DPYD: variants seen among roughly 807,000 people sequenced by gnomAD.
DPYD encodes dihydropyrimidine dehydrogenase [NADP(+)].
A neutral mutation model predicts 116.2 loss-of-function variants in DPYD; 109 were observed. That is an observed-to-expected ratio of 0.94 (90% CI 0.80 to 1.10). The LOEUF (loss-of-function observed/expected upper bound fraction) is 1.10, where lower values mean the gene tolerates loss of function less well. Ranked by LOEUF, DPYD falls within the 50% of genes least tolerant of loss-of-function variation. The pLI, the probability that DPYD is intolerant of heterozygous loss-of-function variation, is 0.00. For synonymous variants in DPYD, 440 were observed against 432.0 expected (o/e 1.02, Z -0.23); for missense variants, 1,302 against 1,254.5 (o/e 1.04, Z -0.57).
chr1:97,726,497 G>C (rs1663269930), intron 4 of DPYD, among the ~76,000 whole-genome samples: 1 of 151,544 alleles, frequency 6.6e-6, no homozygotes, highest in Admixed American at 6.6e-5. Flanking sequence ...GGTCATCATT[G>C]TTAGAAATAA....
chr1:97,188,039 G>A (rs1286574385), intron 20 of DPYD, among the ~76,000 whole-genome samples: 1 of 152,128 alleles, frequency 6.6e-6, no homozygotes, highest in Admixed American at 6.5e-5. Context: ...TGTCAAATTT[G>A]CTTTGGCTAT....
chr1:97,521,165 A>ATGCTAACT (rs1043272813), intron 12 of DPYD, among the ~76,000 whole-genome samples: 4 of 152,200 alleles, frequency 2.6e-5, no homozygotes, highest in African/African-American at 9.7e-5. Flanking sequence ...AGTTATCGCC[A>ATGCTAACT]TGCTAACTGG....
At chr1:97,591,750 G>C (rs1035039405) in intron 10 of DPYD, among the ~76,000 whole-genome samples, 10 of 152,072 alleles carry the variant, frequency 6.6e-5, no homozygotes, top group African/African-American at 2.4e-4. Context: ...TATTTAAAAT[G>C]TTTAGTTCAA....
intron 18 of DPYD, among the ~76,000 whole-genome samples, chr1:97,286,896 G>T (rs11812070): frequency 3.3e-5 from 5 of 151,978 alleles, no homozygotes; most frequent in Non-Finnish European, 7.4e-5. Flanking sequence ...TAGTTTGATC[G>T]TCTGAAGCCT....
intron 13 of DPYD, among the ~76,000 whole-genome samples, chr1:97,509,188 G>A (rs558015283): frequency 4.6e-5 from 7 of 152,132 alleles, no homozygotes; most frequent in South Asian, 2.1e-4. Context: ...AGCAGAAAAC[G>A]TGTTGCTGCT....
intron 2 of DPYD, among the ~76,000 whole-genome samples, chr1:97,843,454 G>A (rs1423073552): frequency 6.6e-6 from 1 of 152,162 alleles, no homozygotes; most frequent in Admixed American, 6.5e-5. Flanking sequence ...TAATCTGATT[G>A]TCTGGCCCAA....
At chr1:97,167,970 C>T (rs1029988559) in intron 20 of DPYD, among the ~76,000 whole-genome samples, 3 of 152,100 alleles carry the variant, frequency 2.0e-5, no homozygotes, top group Non-Finnish European at 2.9e-5. Flanking sequence ...GTCATAAGTA[C>T]ATTATTTTTA....
chr1:97,253,394 A>C (rs187490296), intron 18 of DPYD, among the ~76,000 whole-genome samples: 1 of 152,196 alleles, frequency 6.6e-6, no homozygotes, highest in Non-Finnish European at 1.5e-5. Context: ...ATCTGAAAGC[A>C]AAAGCAAACA....
At chr1:97,306,438 C>T in intron 16 of DPYD, 141 bp from the exon 17 acceptor site, 1 of 1,122,586 alleles carries the variant, frequency 8.9e-7, no homozygotes. Context: ...TCAAATTCCT[C>T]CTCAGTATTA....
chr1:97,726,199 T>C (rs1663248522), intron 4 of DPYD, among the ~76,000 whole-genome samples: 1 of 151,532 alleles, frequency 6.6e-6, no homozygotes, highest in African/African-American at 2.4e-5. Context: ...ACATGTACAT[T>C]CATAGGTTGA....
intron 2 of DPYD, among the ~76,000 whole-genome samples, chr1:97,838,807 T>A (rs985513866): frequency 1.3e-5 from 2 of 151,902 alleles, no homozygotes; most frequent in Non-Finnish European, 2.9e-5. Flanking sequence ...ATTGCGCCAC[T>A]GCAGTCCGCA....
chr1:97,621,797 T>C (rs1656647657), intron 8 of DPYD, among the ~76,000 whole-genome samples: 1 of 151,818 alleles, frequency 6.6e-6, no homozygotes, highest in Non-Finnish European at 1.5e-5. Flanking sequence ...GGGCCAGAAA[T>C]TAAGTGCTAA....
At chr1:97,249,388 GAGAAAAGAAA>G (rs375592101) in intron 18 of DPYD, among the ~76,000 whole-genome samples, 16 of 151,800 alleles carry the variant, frequency 1.1e-4, no homozygotes, top group African/African-American at 3.6e-4. Context: ...AGGAAGGGGG[GAGAAAAGAAA>G]AGAAAAGAAA....
intron 20 of DPYD, among the ~76,000 whole-genome samples, chr1:97,115,317 T>C (rs920893700): frequency 2.6e-5 from 4 of 152,232 alleles, no homozygotes; most frequent in African/African-American, 7.2e-5. Flanking sequence ...ACTACCAGCA[T>C]TGGCCCCCAT....
intron 16 of DPYD, among the ~76,000 whole-genome samples, chr1:97,333,517 ATTTTT>A (rs778577478): frequency 4.8e-4 from 47 of 97,048 alleles, no homozygotes; most frequent in African/African-American, 1.8e-3. Flanking sequence ...AAGTCTTAGG[ATTTTT>A]TTTTTTTTTT....
chr1:97,308,223 G>C (rs1210837170), intron 16 of DPYD, among the ~76,000 whole-genome samples: 1 of 151,674 alleles, frequency 6.6e-6, no homozygotes, highest in African/African-American at 2.4e-5. Flanking sequence ...TTTGTTCAAA[G>C]TTTTTCAAAT....
At chr1:97,270,698 G>A (rs1161428684) in intron 18 of DPYD, among the ~76,000 whole-genome samples, 2 of 152,182 alleles carry the variant, frequency 1.3e-5, no homozygotes, top group Admixed American at 6.5e-5. Flanking sequence ...AAAGTGAGAG[G>A]GACAAAGATA....
At chr1:97,537,223 G>A (rs1001042446) in intron 12 of DPYD, among the ~76,000 whole-genome samples, 1 of 152,126 alleles carries the variant, frequency 6.6e-6, no homozygotes, top group African/African-American at 2.4e-5. Flanking sequence ...TCTTTAACAC[G>A]AGGCAGAGTT....
intron 2 of DPYD, among the ~76,000 whole-genome samples, chr1:97,861,683 TC>T (rs1208701813): frequency 4.6e-5 from 7 of 151,914 alleles, no homozygotes; most frequent in Non-Finnish European, 1.0e-4. Flanking sequence ...ATTAGATTCA[TC>T]CCTTACTAGT....
Sources: allele counts gnomAD v4.1 joint callset (sites outside exome capture counted in the v4.1 genomes callset), GRCh38; gene constraint gnomAD v4.1.1; transcripts MANE v1.5; gene names NCBI Gene and HGNC (gene_info 2026-07-23, HGNC 2026-07-21).